The following NOL7 variants were observed in gnomAD, a reference collection of about 807,000 sequenced individuals.
NOL7 encodes nucleolar protein 7.
Under a neutral mutation model 38.4 loss-of-function variants are expected in NOL7, and 36 were observed. That is an observed-to-expected ratio of 0.94 (90% CI 0.72 to 1.24). The LOEUF is 1.24. Ranked by LOEUF, NOL7 falls within the 50% of genes most tolerant of loss-of-function variation. The pLI, the probability that NOL7 is intolerant of heterozygous loss-of-function variation, is 0.00. For synonymous variants in NOL7, 142 were observed against 126.5 expected (o/e 1.12, Z -0.82); for missense variants, 350 against 315.1 (o/e 1.11, Z -0.84).
intron 7 of NOL7, 74 bp from the exon 8 acceptor site, chr6:13,620,680 T>G (rs1764419209): frequency 9.5e-7 from 1 of 1,048,588 alleles, no homozygotes; most frequent in Non-Finnish European, 1.4e-6. Flanking sequence ...GTAATTACAT[T>G]CATATAGAGT....
At position 13,620,894 on chromosome 6, in the gene NOL7, C is replaced by T. The variant is rs1227642902; in HGVS notation, c.*67C>T. ...TTTATCTAATAAATCATTCATAGAT[C>T]ATTTTAAAGGATCATTATAAAAATC... On this transcript the variant is annotated 3_prime_UTR_variant, in exon 8 of 8. Coordinates refer to ENST00000451315, the MANE Select transcript of NOL7 (RefSeq NM_016167.5). 1 of 946,604 alleles carries T rather than the reference C, an allele frequency of 1.1e-6. No homozygotes were observed. Among genetic ancestry groups the T allele is most frequent in the Admixed American group, 2.7e-5 (1 of 37,184 alleles). The allele number at this position is 946,604 out of a possible 1,614,324, so 58.6% of individuals were successfully genotyped here.
chr6:13,632,354 G>GA, intron 8 of NOL7: 1 of 1,605,306 alleles, frequency 6.2e-7, no homozygotes, highest in Middle Eastern at 1.7e-4. Flanking sequence ...AATTTTTCAA[G>GA]AAAAAATATA....
At chr6:13,625,700 G>A (rs372642992), downstream of NOL7, 3 of 1,613,072 alleles carry the variant, frequency 1.9e-6, no homozygotes, top group Non-Finnish European at 1.7e-6. Context: ...TCTCTGAATC[G>A]GGTCAAGCTG....
downstream of NOL7, among the ~76,000 whole-genome samples, chr6:13,624,071 G>A (rs750517124): frequency 3.3e-5 from 5 of 152,040 alleles, no homozygotes; most frequent in Non-Finnish European, 5.9e-5. Flanking sequence ...TTTTACCAAC[G>A]GAGCTAAATG....
chr6:13,622,168 A>T (rs1041296433), downstream of NOL7: 3 of 449,908 alleles, frequency 6.7e-6, no homozygotes, highest in Non-Finnish European at 7.1e-6. Context: ...GAGGTTAAAG[A>T]TGGAAAATAA....
chr6:13,622,539 T>C, downstream of NOL7: 1 of 1,498,946 alleles, frequency 6.7e-7, no homozygotes, highest in Middle Eastern at 1.8e-4. Flanking sequence ...AGCAAGACAT[T>C]TTAAAAAACA....
At chr6:13,617,917 C>T in intron 4 of NOL7, 116 bp downstream of exon 4, 2 of 1,100,790 alleles carry the variant, frequency 1.8e-6, no homozygotes, top group Admixed American at 1.8e-5. Context: ...CCAAGGTTAG[C>T]TGGGGCCTAT....
intron 2 of NOL7, 51 bp from the exon 3 acceptor site, chr6:13,616,412 C>A: frequency 7.6e-7 from 1 of 1,317,620 alleles, no homozygotes; most frequent in Non-Finnish European, 1.1e-6. Context: ...CAACTCCGGA[C>A]ATACTATGTA....
chr6:13,625,734 G>T, downstream of NOL7: 1 of 1,611,990 alleles, frequency 6.2e-7, no homozygotes, highest in Non-Finnish European at 8.5e-7. Flanking sequence ...CTGTTCCAGG[G>T]ATCTGAATAT....
intron 8 of NOL7, among the ~76,000 whole-genome samples, chr6:13,630,185 A>G (rs1051544942): frequency 4.6e-5 from 7 of 152,138 alleles, no homozygotes; most frequent in African/African-American, 1.7e-4. Context: ...AAGTTTGGGA[A>G]ATGAGATGGA....
downstream of NOL7, among the ~76,000 whole-genome samples, chr6:13,624,369 CCCT>C (rs1764541540): frequency 6.6e-6 from 1 of 152,182 alleles, no homozygotes; most frequent in Admixed American, 6.6e-5. Context: ...TGTGGCACTG[CCCT>C]CATCTTCCTA....
chr6:13,624,590 T>C (rs928724856), downstream of NOL7, among the ~76,000 whole-genome samples: 3 of 152,228 alleles, frequency 2.0e-5, no homozygotes, highest in African/African-American at 7.2e-5. Context: ...CTATCACATT[T>C]ATATAGAAAT....
chr6:13,626,116 T>C (rs921097838), downstream of NOL7, among the ~76,000 whole-genome samples: 2 of 152,232 alleles, frequency 1.3e-5, no homozygotes, highest in African/African-American at 2.4e-5. Context: ...ACTACTGATA[T>C]GAATGTGACA....
intron 8 of NOL7, chr6:13,632,288 T>C (rs1764808962): frequency 7.0e-7 from 1 of 1,420,536 alleles, no homozygotes; most frequent in South Asian, 1.4e-5. Context: ...CAAGAATTTC[T>C]GGTACACTGC....
intron 8 of NOL7, among the ~76,000 whole-genome samples, chr6:13,629,274 C>A (rs566146330): frequency 6.6e-6 from 1 of 152,216 alleles, no homozygotes; most frequent in East Asian, 1.9e-4. Flanking sequence ...CCACACCCAG[C>A]CTCGTGTAGT....
downstream of NOL7, among the ~76,000 whole-genome samples, chr6:13,623,121 C>T (rs1401881896): frequency 6.6e-6 from 1 of 152,114 alleles, no homozygotes; most frequent in Admixed American, 6.6e-5. Context: ...TCCTGCATAT[C>T]ATAAGTTTCT....
chr6:13,625,524 T>C (rs1202163762), downstream of NOL7: 1 of 535,236 alleles, frequency 1.9e-6, no homozygotes, highest in African/African-American at 1.9e-5. Flanking sequence ...TTTTAGGTAT[T>C]TTTATATTTT....
downstream of NOL7, among the ~76,000 whole-genome samples, chr6:13,622,944 C>T (rs1052799486): frequency 1.3e-5 from 2 of 152,184 alleles, no homozygotes; most frequent in Non-Finnish European, 2.9e-5. Flanking sequence ...AACAGGCTGC[C>T]TAGCCATCTC....
At chr6:13,618,832 A>G (rs1764357362) in intron 5 of NOL7, among the ~76,000 whole-genome samples, 1 of 152,168 alleles carries the variant, frequency 6.6e-6, no homozygotes, top group Non-Finnish European at 1.5e-5. Flanking sequence ...TCGAGGCTGC[A>G]GTGAGGCGAG....
Sources: allele counts gnomAD v4.1 joint callset (sites outside exome capture counted in the v4.1 genomes callset), GRCh38; gene constraint gnomAD v4.1.1; transcripts MANE v1.5; gene names NCBI Gene and HGNC (gene_info 2026-07-23, HGNC 2026-07-21).